Variants in OCA2 observed in about 807,000 individuals in gnomAD.
OCA2 encodes the protein OCA2 melanosomal transmembrane protein, also known as P protein.
Under a neutral mutation model 100.2 loss-of-function variants are expected in OCA2, and 77 were observed. The ratio of observed to expected loss-of-function variants is 0.77; its 90% CI spans 0.64 to 0.93. OCA2 has a LOEUF of 0.93. Ranked by LOEUF, OCA2 falls within the 40% of genes least tolerant of loss-of-function variation. The pLI is 0.00. For missense variants in OCA2, 1,062 were observed against 1,089.1 expected (o/e 0.98, Z 0.35); for synonymous variants, 432 against 439.2 (o/e 0.98, Z 0.21).
intron 1 of OCA2, among the ~76,000 whole-genome samples, chr15:28,083,217 T>C (rs1367730349): frequency 2.0e-5 from 3 of 152,214 alleles, no homozygotes; most frequent in Non-Finnish European, 4.4e-5. Context: ...TCAAAGCAAG[T>C]ACAAGACGTG....
chr15:27,898,144 T>C (rs966122853), intron 19 of OCA2, among the ~76,000 whole-genome samples: 3 of 152,192 alleles, frequency 2.0e-5, no homozygotes, highest in African/African-American at 7.2e-5. Flanking sequence ...AGATGAGACA[T>C]TGGACTGTGT....
intron 19 of OCA2, among the ~76,000 whole-genome samples, chr15:27,913,847 G>GA (rs199674310): frequency 0.1 from 3,032 of 28,956 alleles, 119 homozygotes; most frequent in East Asian, 0.46. Flanking sequence ...AGGAAAGAAA[G>GA]AAAGAAAGAA....
chr15:28,065,440 C>G (rs1485592831), intron 2 of OCA2, among the ~76,000 whole-genome samples: 1 of 152,082 alleles, frequency 6.6e-6, no homozygotes. Flanking sequence ...CAAGCAATGC[C>G]CATCACTTTT....
At chr15:27,845,733 G>A (rs753045163) in intron 22 of OCA2, among the ~76,000 whole-genome samples, 9 of 152,228 alleles carry the variant, frequency 5.9e-5, no homozygotes, top group African/African-American at 7.2e-5. Flanking sequence ...CAGTGTTCAC[G>A]AACAGGCGCG....
downstream of OCA2, among the ~76,000 whole-genome samples, chr15:27,754,287 C>A (rs911866927): frequency 6.6e-6 from 1 of 152,218 alleles, no homozygotes; most frequent in Non-Finnish European, 1.5e-5. Flanking sequence ...CAGGGACACC[C>A]ATCCTGAGGG....
intron 19 of OCA2, among the ~76,000 whole-genome samples, chr15:27,874,378 T>C (rs950614863): frequency 5.9e-5 from 9 of 152,176 alleles, no homozygotes; most frequent in African/African-American, 2.2e-4. Context: ...TTTCTCACAT[T>C]GAGCCAAGAT....
chr15:27,942,364 C>CA (rs1231686846), intron 18 of OCA2, among the ~76,000 whole-genome samples: 1 of 151,716 alleles, frequency 6.6e-6, no homozygotes, highest in East Asian at 1.9e-4. Flanking sequence ...ACGGATGCAC[C>CA]TTGAAAATGT....
the OCA2 span, among the ~76,000 whole-genome samples, chr15:27,723,009 T>C: frequency 6.6e-6 from 1 of 151,636 alleles, no homozygotes; most frequent in Admixed American, 6.6e-5. Context: ...GCCTGGCTAA[T>C]TTTTTGTATT....
chr15:27,842,164 G>A (rs1325806856), intron 23 of OCA2, among the ~76,000 whole-genome samples: 1 of 152,148 alleles, frequency 6.6e-6, no homozygotes, highest in East Asian at 1.9e-4. Context: ...TATTTTGGAA[G>A]GACAATTTAT....
intron 18 of OCA2, among the ~76,000 whole-genome samples, chr15:27,950,804 A>G (rs1272346787): frequency 1.3e-5 from 2 of 152,208 alleles, no homozygotes; most frequent in African/African-American, 2.4e-5. Flanking sequence ...GGCATTATCC[A>G]TCTATTTTAC....
At chr15:28,093,224 C>T (rs1035262133) in intron 1 of OCA2, among the ~76,000 whole-genome samples, 19 of 152,056 alleles carry the variant, frequency 1.2e-4, no homozygotes, top group African/African-American at 1.9e-4. Flanking sequence ...GAGTTCGAAA[C>T]CAGCCTGACC....
intron 14 of OCA2, among the ~76,000 whole-genome samples, chr15:27,977,889 C>T (rs2041021487): frequency 6.6e-6 from 1 of 152,188 alleles, no homozygotes; most frequent in Non-Finnish European, 1.5e-5. Flanking sequence ...GGAAGACAGC[C>T]CTCACCAGGG....
rs527880515 is a variant in OCA2 at position 28,014,715 on chromosome 15, G to A, written c.1044+61C>T. 1.4e-4 allele frequency: 222 copies of A among 1,579,446 alleles called. No individual in the cohort carries two copies. In the African/African-American group the frequency reaches 2.1e-3, roughly 15 times the overall value. ...ACTGAGCCCATCCAGAGTGTCTCAC[G>A]GATCTCAAGCCTCCCTGACTGTGGG... On this transcript the variant is annotated intron_variant, in intron 9 of 23. Transcript: ENST00000354638.
chr15:28,067,182 G>A (rs550867505), intron 2 of OCA2, among the ~76,000 whole-genome samples: 1 of 152,210 alleles, frequency 6.6e-6, no homozygotes, highest in East Asian at 1.9e-4. Context: ...ATATTATTAA[G>A]GTGTCAACTC....
chr15:28,092,886 T>A (rs1248798555), intron 1 of OCA2, among the ~76,000 whole-genome samples: 2 of 152,060 alleles, frequency 1.3e-5, no homozygotes, highest in African/African-American at 2.4e-5. Context: ...GCAAAAGACA[T>A]AGAGCTAACA....
chr15:28,091,664 G>T (rs1459318590), intron 1 of OCA2, among the ~76,000 whole-genome samples: 1 of 152,162 alleles, frequency 6.6e-6, no homozygotes, highest in Non-Finnish European at 1.5e-5. Context: ...CCTAAAAGTG[G>T]AAAGCACCCG....
intron 11 of OCA2, 150 bp from the exon 12 acceptor site, chr15:27,986,793 C>A (rs983533506): frequency 1.4e-6 from 1 of 721,040 alleles, no homozygotes; most frequent in Admixed American, 2.1e-5. Context: ...AAGACCGTCA[C>A]TTCCTGGAAT....
chr15:27,908,194 T>A (rs2038250475), intron 19 of OCA2, among the ~76,000 whole-genome samples: 1 of 152,014 alleles, frequency 6.6e-6, no homozygotes, highest in African/African-American at 2.4e-5. Context: ...AAAAAGATAA[T>A]TCATTCCAGA....
chr15:28,025,453 C>T (rs2042721259), intron 4 of OCA2, among the ~76,000 whole-genome samples: 1 of 152,210 alleles, frequency 6.6e-6, no homozygotes, highest in Non-Finnish European at 1.5e-5. Flanking sequence ...ACTTCCAAAG[C>T]CATCCCGGCC....
Sources: gnomAD v4.1 joint callset for allele counts (sites outside exome capture counted in the v4.1 genomes callset) on GRCh38, gnomAD v4.1.1 for gene constraint, MANE v1.5 for transcripts, NCBI Gene and HGNC (gene_info 2026-07-23, HGNC 2026-07-21) for gene names.